Variants in SEC22A observed in about 807,000 individuals in gnomAD.
SEC22A encodes the protein SEC22 homolog A, vesicle trafficking protein.
SEC22A carries 22 observed loss-of-function variants against 35.3 expected under a neutral mutation model. The observed-to-expected ratio is 0.62, with a 90% CI of 0.45 to 0.89. The LOEUF (loss-of-function observed/expected upper bound fraction) is 0.89, where lower values mean the gene tolerates loss of function less well. Among genes scored for constraint, SEC22A ranks in the 40% least tolerant of loss-of-function variants. The probability of loss-of-function intolerance (pLI) is 0.00; values close to 1 mark genes in which losing one functional copy is unlikely to be tolerated. For missense variants in SEC22A, 354 were observed against 362.5 expected, an observed-to-expected ratio of 0.98 and a Z score of 0.19; for synonymous variants, 119 against 129.5, an observed-to-expected ratio of 0.92 and a Z score of 0.55.
intron 4 of SEC22A, among the ~76,000 whole-genome samples, chr3:123,226,474 G>A (rs531870190): frequency 6.6e-6 from 1 of 152,162 alleles, no homozygotes; most frequent in South Asian, 2.1e-4. Flanking sequence ...TCATATACCT[G>A]TTTACCATTT....
At chr3:123,210,760 A>G (rs1374067844) in intron 2 of SEC22A, among the ~76,000 whole-genome samples, 2 of 152,248 alleles carry the variant, frequency 1.3e-5, no homozygotes, top group African/African-American at 4.8e-5. Context: ...AACACAGTCC[A>G]TATAGGATAT....
chr3:123,215,088 A>G (rs142085023), intron 2 of SEC22A, among the ~76,000 whole-genome samples: 1 of 152,334 alleles, frequency 6.6e-6, no homozygotes, highest in African/African-American at 2.4e-5. Flanking sequence ...AGTACTTGCT[A>G]TTGCCAGGTA....
intron 6 of SEC22A, among the ~76,000 whole-genome samples, chr3:123,266,617 G>A (rs1159549608): frequency 6.6e-6 from 1 of 151,996 alleles, no homozygotes; most frequent in Admixed American, 6.5e-5. Context: ...CTGATTTCCA[G>A]TTTGATTCCA....
chr3:123,221,685 A>G (rs1254439659), intron 2 of SEC22A, among the ~76,000 whole-genome samples: 2 of 151,982 alleles, frequency 1.3e-5, no homozygotes, highest in East Asian at 1.9e-4. Flanking sequence ...ACTAGATTCT[A>G]GAAAGCTTTT....
intron 1 of SEC22A, among the ~76,000 whole-genome samples, chr3:123,204,050 A>G (rs1487041787): frequency 4.6e-5 from 7 of 152,178 alleles, no homozygotes; most frequent in Non-Finnish European, 8.8e-5. Flanking sequence ...CTCAGCGAGC[A>G]CTTTTAATAA....
intron 2 of SEC22A, among the ~76,000 whole-genome samples, chr3:123,212,000 T>C (rs1020147966): frequency 2.6e-5 from 4 of 152,072 alleles, no homozygotes; most frequent in Non-Finnish European, 5.9e-5. Context: ...GAGGCTGCAG[T>C]GAGCCATGAT....
At chr3:123,264,233 T>A (rs893981065) in intron 6 of SEC22A, among the ~76,000 whole-genome samples, 6 of 152,226 alleles carry the variant, frequency 3.9e-5, no homozygotes, top group Admixed American at 3.3e-4. Flanking sequence ...GAAGGATATA[T>A]GAGTTGTTTT....
chr3:123,256,604 G>GA (rs1383344173), intron 5 of SEC22A, among the ~76,000 whole-genome samples: 2 of 151,978 alleles, frequency 1.3e-5, no homozygotes, highest in Non-Finnish European at 2.9e-5. Context: ...TCTCTATGCA[G>GA]AATTAGATGT....
At chr3:123,231,187 G>T (rs1297471379) in intron 4 of SEC22A, among the ~76,000 whole-genome samples, 1 of 152,168 alleles carries the variant, frequency 6.6e-6, no homozygotes, top group Non-Finnish European at 1.5e-5. Context: ...AGTGAATACA[G>T]AAATAGACAA....
intron 6 of SEC22A, among the ~76,000 whole-genome samples, chr3:123,267,444 G>A (rs374827946): frequency 5.9e-5 from 9 of 151,876 alleles, no homozygotes; most frequent in Admixed American, 2.6e-4. Context: ...TGGTCTTCTC[G>A]TGTCAATATT....
intron 4 of SEC22A, among the ~76,000 whole-genome samples, chr3:123,243,508 C>T (rs1230615449): frequency 6.6e-6 from 1 of 152,132 alleles, no homozygotes. Context: ...TTTTATCTAT[C>T]TTCAAAGCTC....
At chr3:123,216,419 A>C (rs904286109) in intron 2 of SEC22A, among the ~76,000 whole-genome samples, 10 of 152,228 alleles carry the variant, frequency 6.6e-5, no homozygotes, top group Admixed American at 6.5e-4. Flanking sequence ...TGTAATTACC[A>C]TTGACTTCTT....
intron 4 of SEC22A, among the ~76,000 whole-genome samples, chr3:123,232,571 A>G (rs566728170): frequency 5.1e-4 from 77 of 152,286 alleles, no homozygotes; most frequent in African/African-American, 1.8e-3. Context: ...AAAGGGCCAG[A>G]TGCTGTGGCT....
chr3:123,214,771 A>G (rs1263425832), intron 2 of SEC22A, among the ~76,000 whole-genome samples: 1 of 152,238 alleles, frequency 6.6e-6, no homozygotes, highest in Non-Finnish European at 1.5e-5. Context: ...TTAAACAGTA[A>G]GATGCTGAAA....
At chr3:123,250,529 G>C (rs1430837948) in intron 5 of SEC22A, among the ~76,000 whole-genome samples, 1 of 152,224 alleles carries the variant, frequency 6.6e-6, no homozygotes, top group Non-Finnish European at 1.5e-5. Context: ...AGTAGAACCT[G>C]TTGTGCCCAG....
chr3:123,225,970 T>G (rs1937212605), intron 4 of SEC22A, among the ~76,000 whole-genome samples: 1 of 152,234 alleles, frequency 6.6e-6, no homozygotes, highest in Non-Finnish European at 1.5e-5. Flanking sequence ...TGTGTCTAGT[T>G]TATTTCAGTT....
At chr3:123,237,018 G>A (rs530972065) in intron 4 of SEC22A, among the ~76,000 whole-genome samples, 6 of 152,304 alleles carry the variant, frequency 3.9e-5, no homozygotes, top group African/African-American at 1.2e-4. Context: ...TATTAGCAGC[G>A]AAAACTTTCG....
chr3:123,245,833 GT>G (rs1314511931), intron 4 of SEC22A, 65 bp from the exon 5 acceptor site: 13 of 869,346 alleles, frequency 1.5e-5, no homozygotes, highest in Non-Finnish European at 2.3e-5. Flanking sequence ...GTGAATTTCT[GT>G]TTTACCTAAG....
intron 1 of SEC22A, among the ~76,000 whole-genome samples, chr3:123,203,847 A>T (rs1245601570): frequency 2.0e-5 from 3 of 152,156 alleles, no homozygotes; most frequent in Non-Finnish European, 4.4e-5. Flanking sequence ...AAATGTTGGG[A>T]TTGACACATT....
Sources: gnomAD v4.1 joint callset for allele counts (sites outside exome capture counted in the v4.1 genomes callset) on GRCh38, gnomAD v4.1.1 for gene constraint, MANE v1.5 for transcripts, NCBI Gene and HGNC (gene_info 2026-07-23, HGNC 2026-07-21) for gene names.